The following OSBPL10 variants were observed in gnomAD, a reference collection of about 807,000 sequenced individuals.
OSBPL10 encodes oxysterol binding protein like 10, also known as oxysterol-binding protein-related protein 10.
OSBPL10 carries 49 observed loss-of-function variants against 81.7 expected under a neutral mutation model. The observed-to-expected ratio is 0.60, with a 90% CI of 0.48 to 0.76. OSBPL10 has a LOEUF of 0.76. OSBPL10 is among the 30% of genes least tolerant of loss of function. The pLI is 0.00. For missense variants in OSBPL10, 923 were observed against 987.8 expected (o/e 0.93, Z 0.88); for synonymous variants, 419 against 383.6 (o/e 1.09, Z -1.08).
intron 1 of OSBPL10, among the ~76,000 whole-genome samples, chr3:31,958,143 A>G (rs1391329537): frequency 6.6e-6 from 1 of 152,188 alleles, no homozygotes; most frequent in Non-Finnish European, 1.5e-5. Flanking sequence ...TTGTGACCAC[A>G]ATGTTAACTT....
intron 1 of OSBPL10, among the ~76,000 whole-genome samples, chr3:32,058,914 C>T (rs1699734152): frequency 6.6e-6 from 1 of 152,182 alleles, no homozygotes; most frequent in Admixed American, 6.5e-5. Flanking sequence ...GTCTTGAAAT[C>T]CTGGGCTCAA....
chr3:31,952,944 T>G (rs2125448014), intron 1 of OSBPL10, among the ~76,000 whole-genome samples: 1 of 149,786 alleles, frequency 6.7e-6, no homozygotes, highest in African/African-American at 2.5e-5. Flanking sequence ...TTTTTTTTTT[T>G]TTTTTTGAGA....
chr3:32,046,079 T>C (rs950023403), intron 2 of OSBPL10: 4 of 152,178 alleles, frequency 2.6e-5, no homozygotes, highest in African/African-American at 7.2e-5. Context: ...TATTTTGGCA[T>C]TGCAAAAATG....
chr3:31,868,336 T>C (rs1701233159), intron 3 of OSBPL10, among the ~76,000 whole-genome samples: 1 of 152,238 alleles, frequency 6.6e-6, no homozygotes, highest in Non-Finnish European at 1.5e-5. Flanking sequence ...GCACTAAGAA[T>C]ACATTTGCAG....
At chr3:31,910,443 T>C (rs1217102341) in intron 1 of OSBPL10, among the ~76,000 whole-genome samples, 3 of 149,602 alleles carry the variant, frequency 2.0e-5, no homozygotes, top group Non-Finnish European at 4.4e-5. Context: ...AAGACCAGCC[T>C]GGCCAACATG....
In OSBPL10 at chr3:31,990,105, C is replaced by T. The variant is rs778086335; in HGVS notation, n.298+56386G>A. On this transcript the variant is annotated intron_variant and non_coding_transcript_variant, in intron 2 of 3. Coordinates refer to the OSBPL10 transcript ENST00000479173. ...GAATTCATACTGGAGAGAAACCATACAAATGTAAGGTTTGTGAAAAGGCTT... is the reference window on the plus strand; with the variant it reads ...GAATTCATACTGGAGAGAAACCATATAAATGTAAGGTTTGTGAAAAGGCTT... 6.2e-6 allele frequency: 10 copies of T among 1,611,590 alleles called. No homozygotes were observed. In the East Asian group the frequency reaches 1.6e-4, roughly 25 times the overall value.
chr3:31,715,651 T>G (rs1329107719), intron 6 of OSBPL10, among the ~76,000 whole-genome samples: 2 of 152,148 alleles, frequency 1.3e-5, no homozygotes, highest in Non-Finnish European at 2.9e-5. Context: ...AATAATGTAG[T>G]TGGGGTGGCC....
intron 1 of OSBPL10, among the ~76,000 whole-genome samples, chr3:31,892,475 G>C (rs1297962460): frequency 6.6e-6 from 1 of 152,220 alleles, no homozygotes; most frequent in Non-Finnish European, 1.5e-5. Flanking sequence ...GGCGGCTGCA[G>C]AGACTCGCTT....
At chr3:32,000,820 G>T (rs112422835) in intron 2 of OSBPL10, among the ~76,000 whole-genome samples, 1 of 152,092 alleles carries the variant, frequency 6.6e-6, no homozygotes, top group Non-Finnish European at 1.5e-5. Context: ...CCGGCCATGC[G>T]GTTCACATGG....
intron 1 of OSBPL10, among the ~76,000 whole-genome samples, chr3:31,913,540 G>A (rs889992960): frequency 5.9e-5 from 9 of 152,060 alleles, no homozygotes; most frequent in African/African-American, 1.7e-4. Flanking sequence ...GAGCCACCAC[G>A]CCCGGCCCAA....
chr3:31,925,245 G>A (rs1298189677), intron 1 of OSBPL10, among the ~76,000 whole-genome samples: 1 of 152,084 alleles, frequency 6.6e-6, no homozygotes, highest in Non-Finnish European at 1.5e-5. Context: ...GGAGGTTTTA[G>A]TTGGCTCCTA....
At chr3:31,745,283 CT>C (rs1697485508) in intron 5 of OSBPL10, among the ~76,000 whole-genome samples, 1 of 152,034 alleles carries the variant, frequency 6.6e-6, no homozygotes, top group African/African-American at 2.4e-5. Flanking sequence ...GGAGAGTGTC[CT>C]TTTTTCAAAA....
intron 1 of OSBPL10, among the ~76,000 whole-genome samples, chr3:31,884,097 G>C (rs1278120419): frequency 6.6e-6 from 1 of 152,178 alleles, no homozygotes; most frequent in Non-Finnish European, 1.5e-5. Context: ...TTAGGAGCTG[G>C]TATAAAGAAA....
chr3:32,031,364 AT>A (rs147825524), intron 2 of OSBPL10, among the ~76,000 whole-genome samples: 14 of 151,588 alleles, frequency 9.2e-5, no homozygotes, highest in Admixed American at 2.0e-4. Context: ...CATATGTTGG[AT>A]TTTTTTTTAA....
At chr3:32,067,784 G>A (rs568151278) in intron 1 of OSBPL10, among the ~76,000 whole-genome samples, 4 of 152,200 alleles carry the variant, frequency 2.6e-5, no homozygotes, top group Admixed American at 6.5e-5. Flanking sequence ...CACCTATCCT[G>A]AAACGTATGA....
intron 2 of OSBPL10, among the ~76,000 whole-genome samples, chr3:31,999,243 C>A (rs1699120449): frequency 6.6e-6 from 1 of 152,182 alleles, no homozygotes; most frequent in Non-Finnish European, 1.5e-5. Context: ...CCAGCTACTC[C>A]CCTAACCTGA....
intron 1 of OSBPL10, among the ~76,000 whole-genome samples, chr3:31,923,587 C>A (rs561910173): frequency 6.6e-6 from 1 of 151,870 alleles, no homozygotes; most frequent in Non-Finnish European, 1.5e-5. Flanking sequence ...CCCAAAAGTT[C>A]GAGACCAGAC....
intron 7 of OSBPL10, among the ~76,000 whole-genome samples, chr3:31,695,578 A>G (rs1695693213): frequency 6.6e-6 from 1 of 152,178 alleles, no homozygotes; most frequent in East Asian, 1.9e-4. Flanking sequence ...GCACTAACCA[A>G]GAAAACCTTA....
At chr3:31,856,470 C>A (rs1700915302) in intron 3 of OSBPL10, among the ~76,000 whole-genome samples, 1 of 152,120 alleles carries the variant, frequency 6.6e-6, no homozygotes, top group African/African-American at 2.4e-5. Flanking sequence ...AATAAGAAGA[C>A]AGAGCCAAGG....
Sources: allele counts gnomAD v4.1 joint callset (sites outside exome capture counted in the v4.1 genomes callset), GRCh38; gene constraint gnomAD v4.1.1; transcripts MANE v1.5; gene names NCBI Gene and HGNC (gene_info 2026-07-23, HGNC 2026-07-21).